Variants in PCDHGB7 observed in about 807,000 individuals in gnomAD.
The protein encoded by PCDHGB7 is protocadherin gamma subfamily B, 7.
PCDHGB7 carries 37 observed loss-of-function variants against 61.4 expected under a neutral mutation model. That is an observed-to-expected ratio of 0.60 (90% confidence interval 0.46 to 0.79). PCDHGB7 has a LOEUF of 0.79. Ranked by LOEUF, PCDHGB7 falls within the 30% of genes least tolerant of loss-of-function variation. The probability of loss-of-function intolerance (pLI) is 0.00; values close to 1 mark genes in which losing one functional copy is unlikely to be tolerated. For synonymous variants in PCDHGB7, 464 were observed against 503.5 expected (o/e 0.92, Z 1.05); for missense variants, 1,166 against 1,202.5 (o/e 0.97, Z 0.45).
chr5:141,495,810 C>T (rs1003475681), intron 2 of PCDHGB7, among the ~76,000 whole-genome samples: 1 of 152,088 alleles, frequency 6.6e-6, no homozygotes, highest in Non-Finnish European at 1.5e-5. Context: ...CGTTTCCTAG[C>T]GCCTTGTGTT....
chr5:141,477,551 C>A lies in PCDHGB7; in HGVS notation c.2416-17256C>A. The A allele has an allele frequency of 6.2e-7, 1 of 1,614,178 alleles. No homozygotes were observed. The highest frequency in any genetic ancestry group is 1.3e-5 in the African/African-American group (1 of 75,032). ...CCTCCCCGGGGCTCCAATACTAAAC[C>A]TAAGTGTCTGGGACCCCGACGCCCC... is the stretch of plus-strand genomic sequence containing the variant. On this transcript the variant is annotated intron_variant, in intron 1 of 3. Transcript: ENST00000398594. The surrounding 1 kb of genome is among the most constrained non-coding windows in gnomAD (Gnocchi z 4.9).
intron 1 of PCDHGB7, among the ~76,000 whole-genome samples, chr5:141,462,029 G>A (rs535977332): frequency 6.6e-6 from 1 of 152,260 alleles, no homozygotes; most frequent in East Asian, 1.9e-4. Context: ...CTTCATGTTG[G>A]TCAGGCGGGT....
At position 141,491,067 on chromosome 5, in the gene PCDHGB7, G is replaced by T. The variant is rs752758445; in HGVS notation, c.2416-3740G>T. On this transcript the variant is annotated intron_variant, in intron 1 of 3. Transcript: ENST00000398594. The surrounding 1 kb of genome is among the most constrained non-coding windows in gnomAD (Gnocchi z 6.9). Reference sequence around the variant, plus strand: ...ACAATGCGTGGCTCTCCTACTCACTGTTGCCACAGTCCACAGCCCCAGGAC... The same window carrying T: ...ACAATGCGTGGCTCTCCTACTCACTTTTGCCACAGTCCACAGCCCCAGGAC... 1.2e-6 allele frequency: 2 copies of T among 1,614,200 alleles called. No homozygotes were observed. The highest frequency in any genetic ancestry group is 1.7e-6 in the Non-Finnish European group (2 of 1,180,040).
intron 1 of PCDHGB7, among the ~76,000 whole-genome samples, chr5:141,438,593 T>C (rs982159150): frequency 4.1e-5 from 3 of 73,984 alleles, no homozygotes; most frequent in Non-Finnish European, 5.5e-5. Flanking sequence ...CATACATACA[T>C]ATATATATAT....
At position 141,485,049 on chromosome 5, in the gene PCDHGB7, G is replaced by A; in HGVS notation, c.2416-9758G>A. The A allele has an allele frequency of 1.3e-6, 1 of 780,438 alleles. No individual in the cohort carries two copies. 48.3% of individuals were successfully genotyped at this position (780,438 alleles called of 1,614,324 possible). ...AACGGCGCGTAACCCTTGCGGCGCC[G>A]GCCGAACCGCGCCAGAGCTGGCGCG... On this transcript the variant is annotated intron_variant, in intron 1 of 3. Coordinates refer to ENST00000398594, the MANE Select transcript of PCDHGB7 (RefSeq NM_018927.4). This position sits in a 1 kb window ranked among gnomAD's most constrained non-coding sequence, Gnocchi z 5.7.
intron 1 of PCDHGB7, chr5:141,424,465 A>G (rs564844819): frequency 1.3e-5 from 2 of 152,146 alleles, no homozygotes; most frequent in Admixed American, 6.5e-5. Context: ...ATTTCCTTTT[A>G]TTCTTTTACT....
chr5:141,438,065 C>T (rs1385128405), intron 1 of PCDHGB7, among the ~76,000 whole-genome samples: 1 of 151,996 alleles, frequency 6.6e-6, no homozygotes, highest in Non-Finnish European at 1.5e-5. Flanking sequence ...TTTAAGAAAC[C>T]ATACTTAATG....
Position 141,489,830 on chromosome 5 carries a change from A to C in PCDHGB7, c.2416-4977A>C. On this transcript the variant is annotated intron_variant, in intron 1 of 3. Transcript: ENST00000398594. The surrounding 1 kb of genome is among the most constrained non-coding windows in gnomAD (Gnocchi z 4.5). ...AAGCCATTCCCAGAGCTGGTGCTAG[A>C]GCAGCAGCTGGATCGTGAAGCCCAG... 1 of 1,614,200 alleles carries C rather than the reference A, an allele frequency of 6.2e-7. No homozygotes were observed. Among genetic ancestry groups the C allele is most frequent in the Non-Finnish European group, 8.5e-7 (1 of 1,180,010 alleles).
chr5:141,418,246 C>T lies in PCDHGB7; in HGVS notation c.387C>T (p.His129=), dbSNP rs200526306. 4.5e-5 allele frequency: 72 copies of T among 1,614,020 alleles called. No individual in the cohort carries two copies. The African/African-American group carries it at 8.9e-4, about 20-fold the overall frequency. Residue 129 remains histidine, a synonymous_variant, in exon 1 of 4, where the codon CAC becomes CAT. Coordinates refer to ENST00000398594, the MANE Select transcript of PCDHGB7 (RefSeq NM_018927.4). ...VIVVIEDVND[H]APQFRKDEIN... The stretch of plus-strand genomic sequence containing the variant: ...TGGTGATTGAGGATGTTAATGACCA[C>T]GCCCCTCAATTCCGGAAAGATGAAA...
rs1264688160 is a variant in PCDHGB7, at chr5:141,493,193, G to A, written c.2416-1614G>A. 6.6e-6 allele frequency among the ~76,000 whole-genome samples: 1 copy of A among 152,128 alleles called. No individual in the cohort carries two copies. On this transcript the variant is annotated intron_variant, in intron 1 of 3. Transcript: ENST00000398594. This position sits in a 1 kb window ranked among gnomAD's most constrained non-coding sequence, Gnocchi z 4.3. ...GAGAAACTTACTATATAACTCCTTT[G>A]AGAACCTCATCTCATTTGCTCTTCC...
rs1460389320 is a variant in PCDHGB7 at position 141,490,134 on chromosome 5, C to T, written c.2416-4673C>T. The T allele has an allele frequency of 2.5e-6, 4 of 1,614,114 alleles. No homozygotes were observed. Among genetic ancestry groups the T allele is most frequent in the Admixed American group, 3.3e-5 (2 of 59,998 alleles). ...GGAACCTCTTTGGCCTAGACCCTAG[C>T]AGTGGGGCAATCCATGTGTTGGGTC... On this transcript the variant is annotated intron_variant, in intron 1 of 3. Coordinates refer to ENST00000398594, the MANE Select transcript of PCDHGB7 (RefSeq NM_018927.4). This position sits in a 1 kb window ranked among gnomAD's most constrained non-coding sequence, Gnocchi z 5.4.
intron 3 of PCDHGB7, among the ~76,000 whole-genome samples, chr5:141,506,202 G>A (rs911181875): frequency 6.6e-6 from 1 of 152,184 alleles, no homozygotes; most frequent in Non-Finnish European, 1.5e-5. Context: ...TGTAATCCCA[G>A]CACTTTGGGA....
In PCDHGB7 at chr5:141,477,891, G is replaced by T. The variant is rs750359063; in HGVS notation, c.2416-16916G>T. 10 of 1,614,066 alleles carry T rather than the reference G, an allele frequency of 6.2e-6. No individual in the cohort carries two copies. The African/African-American group carries it at 1.2e-4, about 19-fold the overall frequency. ...ACCTCAGCTGGCCACCTAGTGTCAC[G>T]GGTGGTAGGCTGGGACGCGGATGCA... is the stretch of plus-strand genomic sequence containing the variant. On this transcript the variant is annotated intron_variant, in intron 1 of 3. Coordinates refer to ENST00000398594, the MANE Select transcript of PCDHGB7 (RefSeq NM_018927.4). This position sits in a 1 kb window ranked among gnomAD's most constrained non-coding sequence, Gnocchi z 4.9.
chr5:141,464,921 G>C (rs1562002597), intron 1 of PCDHGB7, among the ~76,000 whole-genome samples: 6 of 151,106 alleles, frequency 4.0e-5, no homozygotes, highest in Admixed American at 3.3e-4. Flanking sequence ...TTATTTTTTT[G>C]TAGAGATGTG....
intron 2 of PCDHGB7, among the ~76,000 whole-genome samples, chr5:141,497,023 G>A (rs1271608156): frequency 1.3e-5 from 2 of 151,912 alleles, no homozygotes; most frequent in Non-Finnish European, 2.9e-5. Flanking sequence ...ACCCCATCTC[G>A]ATTAAAAATA....
intron 3 of PCDHGB7, among the ~76,000 whole-genome samples, chr5:141,507,625 G>C (rs2099862215): frequency 6.6e-6 from 1 of 152,256 alleles, no homozygotes; most frequent in Non-Finnish European, 1.5e-5. Context: ...AGCTGTTGTG[G>C]CCTTGCGCCC....
intron 1 of PCDHGB7, among the ~76,000 whole-genome samples, chr5:141,435,011 A>G (rs2097737147): frequency 6.6e-6 from 1 of 152,126 alleles, no homozygotes; most frequent in African/African-American, 2.4e-5. Flanking sequence ...TTTATCAATG[A>G]TAATGCTCTT....
At position 141,476,418 on chromosome 5, in the gene PCDHGB7, T is replaced by C. The variant is rs201255025; in HGVS notation, c.2416-18389T>C. On this transcript the variant is annotated intron_variant, in intron 1 of 3. Transcript: ENST00000398594. This position sits in a 1 kb window ranked among gnomAD's most constrained non-coding sequence, Gnocchi z 7.6. The stretch of plus-strand genomic sequence containing the variant: ...GATCGAGAGGAGCTGTGTGGGACAC[T>C]GCCCTCTTGCACTGTAACTCTGGAG... 6.2e-7 allele frequency: 1 copy of C among 1,614,122 alleles called. No individual in the cohort carries two copies. Among genetic ancestry groups the C allele is most frequent in the Non-Finnish European group, 8.5e-7 (1 of 1,180,002 alleles).
Position 141,419,306 on chromosome 5 carries a change from C to T in PCDHGB7, c.1447C>T (p.Leu483Phe). 1 of 1,614,032 alleles carries T rather than the reference C, an allele frequency of 6.2e-7. No individual in the cohort carries two copies. The highest frequency in any genetic ancestry group is 8.5e-7 in the Non-Finnish European group (1 of 1,179,902). Reference sequence around the variant, plus strand: ...CAGTGCCTCTGACCCAGACTTCGGGCTCAACGGCCGTGTCTCCTACTCTCT... The same window carrying T: ...CAGTGCCTCTGACCCAGACTTCGGGTTCAACGGCCGTGTCTCCTACTCTCT... ...QVSASDPDFG[L>F]NGRVSYSLIA... The change falls in exon 1 of 4, where the codon CTC (leucine) becomes TTC (phenylalanine). Residue 483 changes from leucine (L) to phenylalanine (F), a missense_variant. Physicochemically the swap from Leu to Phe is conservative, Grantham distance 22. Transcript: ENST00000398594.
Sources: allele counts gnomAD v4.1 joint callset (sites outside exome capture counted in the v4.1 genomes callset), GRCh38; gene constraint gnomAD v4.1.1; non-coding constraint Gnocchi (gnomAD v3.1); transcripts MANE v1.5; gene names NCBI Gene and HGNC (gene_info 2026-07-23, HGNC 2026-07-21).